Variants in COL23A1 observed in about 807,000 individuals in gnomAD.
COL23A1 encodes the protein collagen type XXIII alpha 1 chain.
A neutral mutation model predicts 99.3 loss-of-function variants in COL23A1; 97 were observed. The ratio of observed to expected loss-of-function variants is 0.98; its 90% CI spans 0.83 to 1.16. The LOEUF is 1.16. COL23A1 is among the 50% of genes most tolerant of loss of function. The pLI is 0.00. For synonymous variants in COL23A1, 320 were observed against 308.2 expected (o/e 1.04, Z -0.40); for missense variants, 762 against 757.4 (o/e 1.01, Z -0.07).
rs896628948 is a variant in COL23A1 at position 178,560,663 on chromosome 5, G to A, written c.361+19C>T. ...GCGGCCGAACGCAGGAGCCAGAAGG[G>A]AGCTCAACCTTCACTTACCTGGGGG... On this transcript the variant is annotated intron_variant, in intron 2 of 28. Transcript: ENST00000390654. 2 of 1,608,314 alleles carry A rather than the reference G, an allele frequency of 1.2e-6. No individual in the cohort carries two copies. Among genetic ancestry groups the A allele is most frequent in the South Asian group, 1.1e-5 (1 of 89,554 alleles).
intron 25 of COL23A1, among the ~76,000 whole-genome samples, chr5:178,243,482 C>T (rs1396300458): frequency 2.2e-5 from 3 of 139,512 alleles, no homozygotes; most frequent in Non-Finnish European, 3.1e-5. Flanking sequence ...AGTGAGACTC[C>T]ATCTCCAAAA....
At chr5:178,398,057 C>T (rs1053808174) in intron 2 of COL23A1, among the ~76,000 whole-genome samples, 18 of 151,994 alleles carry the variant, frequency 1.2e-4, no homozygotes, top group Admixed American at 6.6e-5. Context: ...GGTCTGATGC[C>T]GAGACATCAA....
chr5:178,385,769 C>G (rs1312850208), intron 2 of COL23A1, among the ~76,000 whole-genome samples: 1 of 152,216 alleles, frequency 6.6e-6, no homozygotes, highest in African/African-American at 2.4e-5. Flanking sequence ...TCCACAGAGG[C>G]CAGAGCTAAG....
intron 2 of COL23A1, among the ~76,000 whole-genome samples, chr5:178,450,176 G>A (rs1460269876): frequency 6.6e-6 from 1 of 152,172 alleles, no homozygotes; most frequent in Non-Finnish European, 1.5e-5. Context: ...GCAGCCCTAG[G>A]TATGTGGCCA....
Position 178,306,845 on chromosome 5 carries a change from G to T in COL23A1, c.406+30C>A. ...GGGCCATGGTGGCTTCCAAGCCTTG[G>T]CTTAGGAGCTGAGAAAACCTGGGAC... On this transcript the variant is annotated intron_variant, in intron 3 of 28. Coordinates refer to ENST00000390654, the MANE Select transcript of COL23A1 (RefSeq NM_173465.4). The surrounding 1 kb of genome is among the most constrained non-coding windows in gnomAD (Gnocchi z 4.1). The T allele has an allele frequency of 8.9e-6, 13 of 1,464,254 alleles. No individual in the cohort carries two copies. The highest frequency in any genetic ancestry group is 1.2e-5 in the Non-Finnish European group (13 of 1,103,930). The allele number at this position is 1,464,254 out of a possible 1,614,324, so 90.7% of individuals were successfully genotyped here. A position where few individuals can be genotyped will look rare whatever the true frequency, so the allele number is the denominator to read the frequency against.
intron 2 of COL23A1, among the ~76,000 whole-genome samples, chr5:178,358,246 A>ATG (rs202134540): frequency 0.13 from 16,506 of 128,518 alleles, 1,542 homozygotes; most frequent in East Asian, 0.34. Context: ...GTGTATGTGT[A>ATG]TGTGTGTGTA....
chr5:178,273,271 G>A (rs969501815), intron 5 of COL23A1, among the ~76,000 whole-genome samples: 1 of 152,214 alleles, frequency 6.6e-6, no homozygotes, highest in African/African-American at 2.4e-5. Context: ...TTCTGGAAGT[G>A]TCCACCGACT....
chr5:178,242,905 GATTC>G (rs1764484157), intron 25 of COL23A1, among the ~76,000 whole-genome samples: 1 of 152,132 alleles, frequency 6.6e-6, no homozygotes, highest in African/African-American at 2.4e-5. Context: ...CACAGAATTG[GATTC>G]ATTGTGGCCG....
intron 2 of COL23A1, among the ~76,000 whole-genome samples, chr5:178,401,200 G>A (rs1764428617): frequency 6.6e-6 from 1 of 152,192 alleles, no homozygotes; most frequent in Non-Finnish European, 1.5e-5. Flanking sequence ...TTTTAAGGCT[G>A]AGCAAATACT....
chr5:178,561,768 G>A, intron 1 of COL23A1: 1 of 179,428 alleles, frequency 5.6e-6, no homozygotes, highest in Non-Finnish European at 1.2e-5. Context: ...AGAACCGAGG[G>A]CTTCCTGTTC....
chr5:178,244,192 T>C (rs927080166), intron 25 of COL23A1, among the ~76,000 whole-genome samples: 1 of 151,132 alleles, frequency 6.6e-6, no homozygotes, highest in East Asian at 1.9e-4. Context: ...GGTTTCACCG[T>C]GTTAGCCAGG....
At chr5:178,508,289 A>G (rs1758993423) in intron 2 of COL23A1, among the ~76,000 whole-genome samples, 1 of 152,162 alleles carries the variant, frequency 6.6e-6, no homozygotes, top group South Asian at 2.1e-4. Context: ...TCACTGAAGC[A>G]TTTTTATAAT....
In COL23A1 at chr5:178,310,178, G is replaced by C. The variant is rs936283186; in HGVS notation, c.362-3259C>G. ...CCTGGGAGAGGGCGAGTGTGCCGGA[G>C]CTGCACTCCCTGCTGACTGTGGGCT... On this transcript the variant is annotated intron_variant, in intron 2 of 28. Transcript: ENST00000390654. This position sits in a 1 kb window ranked among gnomAD's most constrained non-coding sequence, Gnocchi z 4.3. 3.9e-5 allele frequency among the ~76,000 whole-genome samples: 6 copies of C among 152,146 alleles called. No individual in the cohort carries two copies. Among genetic ancestry groups the C allele is most frequent in the Admixed American group, 3.9e-4 (6 of 15,288 alleles).
At position 178,249,293 on chromosome 5, in the gene COL23A1, CTAGGGCCCCACTTTCTCT is replaced by C. The variant is rs1385820587; in HGVS notation, c.1060-105_1060-88del. On this transcript the variant is annotated intron_variant, in intron 18 of 28. Coordinates refer to ENST00000390654, the MANE Select transcript of COL23A1 (RefSeq NM_173465.4). The stretch of plus-strand genomic sequence containing the variant: ...GCAGGTCCCCAGAGCTTAGTTCATG[CTAGGGCCCCACTTTCTCT>C]TTGTGGGTCCCCACCTCCAGCCACA... The C allele has an allele frequency of 2.3e-6, 3 of 1,288,882 alleles. No individual in the cohort carries two copies. In the African/African-American group the frequency reaches 4.4e-5, roughly 19 times the overall value. 79.8% of individuals were successfully genotyped at this position (1,288,882 alleles called of 1,614,324 possible).
chr5:178,467,778 CA>C (rs750771529), intron 2 of COL23A1, among the ~76,000 whole-genome samples: 1 of 151,992 alleles, frequency 6.6e-6, no homozygotes, highest in African/African-American at 2.4e-5. Flanking sequence ...CTATGGTAAA[CA>C]AAAAACCAGT....
intron 1 of COL23A1, among the ~76,000 whole-genome samples, chr5:178,563,153 T>G (rs779686155): frequency 1.3e-5 from 2 of 152,150 alleles, no homozygotes; most frequent in Non-Finnish European, 2.9e-5. Flanking sequence ...ACTCTGCAAG[T>G]CCTTGACTTG....
intron 2 of COL23A1, among the ~76,000 whole-genome samples, chr5:178,541,127 C>T (rs935306423): frequency 1.3e-5 from 2 of 152,062 alleles, no homozygotes; most frequent in African/African-American, 4.8e-5. Context: ...ATAACAGTAT[C>T]GACACATGGA....
At chr5:178,447,060 A>G (rs1416102800) in intron 2 of COL23A1, among the ~76,000 whole-genome samples, 2 of 152,138 alleles carry the variant, frequency 1.3e-5, no homozygotes, top group Middle Eastern at 3.2e-3. Flanking sequence ...TCTGTTTTCC[A>G]AATGCAGCTA....
At chr5:178,570,757 G>A (rs73804272) in intron 1 of COL23A1, among the ~76,000 whole-genome samples, 1 of 152,122 alleles carries the variant, frequency 6.6e-6, no homozygotes, top group South Asian at 2.1e-4. Context: ...GCACATGGAG[G>A]GGGGACGCGG....
Sources: allele counts gnomAD v4.1 joint callset (sites outside exome capture counted in the v4.1 genomes callset), GRCh38; gene constraint gnomAD v4.1.1; non-coding constraint Gnocchi (gnomAD v3.1); transcripts MANE v1.5; gene names NCBI Gene and HGNC (gene_info 2026-07-23, HGNC 2026-07-21).